Variants in NRXN3 observed in about 807,000 individuals in gnomAD.
The protein encoded by NRXN3 is neurexin III.
In NRXN3, 32 loss-of-function variants were observed where a neutral mutation model predicts 137.6. The ratio of observed to expected loss-of-function variants is 0.23; its 90% CI spans 0.18 to 0.31. NRXN3 has a LOEUF of 0.31. NRXN3 is among the 10% of genes least tolerant of loss of function. The pLI, the probability that NRXN3 is intolerant of heterozygous loss-of-function variation, is 1.00. For synonymous variants in NRXN3, 798 were observed against 784.5 expected (o/e 1.02, Z -0.29); for missense variants, 1,574 against 2,062.5 (o/e 0.76, Z 4.59).
At chr14:78,707,458 T>G (rs761832332) in intron 6 of NRXN3, among the ~76,000 whole-genome samples, 1 of 152,214 alleles carries the variant, frequency 6.6e-6, no homozygotes, top group Non-Finnish European at 1.5e-5. Context: ...GTATCAAATT[T>G]CAGTTCAAAT....
chr14:79,780,886 T>C (rs2099111578), intron 19 of NRXN3, among the ~76,000 whole-genome samples: 1 of 152,116 alleles, frequency 6.6e-6, no homozygotes, highest in African/African-American at 2.4e-5. Flanking sequence ...TGAGGAAATA[T>C]AGAAAACTGA....
chr14:79,113,211 T>C (rs557995298), intron 15 of NRXN3, among the ~76,000 whole-genome samples: 4 of 152,276 alleles, frequency 2.6e-5, no homozygotes, highest in Non-Finnish European at 5.9e-5. Context: ...AAAGCATTCC[T>C]GGTTGAGAAT....
chr14:78,943,627 T>A (rs945163482), intron 10 of NRXN3, among the ~76,000 whole-genome samples: 1,121 of 8,538 alleles, frequency 0.13, 70 homozygotes, highest in African/African-American at 0.29. Context: ...AAAAAATATA[T>A]ATATATATAT....
chr14:78,579,378 A>G lies in NRXN3; in HGVS notation c.758-65742A>G, dbSNP rs531663424. Among the ~76,000 whole-genome samples, 8 of 152,308 alleles carry G rather than the reference A, an allele frequency of 5.3e-5. No individual in the cohort carries two copies. The East Asian group carries it at 1.5e-3, about 29-fold the overall frequency. On this transcript the variant is annotated intron_variant, in intron 4 of 20. Coordinates refer to ENST00000335750, the MANE Select transcript of NRXN3 (RefSeq NM_001330195.2). ...GAATATCTCCCTTAGGGCGAAGCTCAGCCTTCTCCACTTCACTGGTGCTAT... is the reference window on the plus strand; with the variant it reads ...GAATATCTCCCTTAGGGCGAAGCTCGGCCTTCTCCACTTCACTGGTGCTAT...
chr14:79,285,929 C>G (rs979610997), intron 15 of NRXN3, among the ~76,000 whole-genome samples: 2 of 148,900 alleles, frequency 1.3e-5, no homozygotes, highest in Non-Finnish European at 3.0e-5. Flanking sequence ...AGTGAATACC[C>G]ATTGGACTCA....
At chr14:78,409,025 G>A (rs977735613) in intron 4 of NRXN3, among the ~76,000 whole-genome samples, 1 of 152,168 alleles carries the variant, frequency 6.6e-6, no homozygotes, top group South Asian at 2.1e-4. Flanking sequence ...TTAATATCAT[G>A]GGATAAAACA....
chr14:78,248,398 G>T (rs1023907681), intron 2 of NRXN3, among the ~76,000 whole-genome samples: 4 of 148,530 alleles, frequency 2.7e-5, no homozygotes, highest in East Asian at 2.0e-4. Context: ...TGTGGCCTTC[G>T]CATGCCTTCC....
At chr14:78,215,971 G>GAGGGAAC (rs2063233143) in intron 1 of NRXN3, among the ~76,000 whole-genome samples, 5 of 152,320 alleles carry the variant, frequency 3.3e-5, no homozygotes, top group Admixed American at 1.3e-4. Flanking sequence ...TGTGTGTAAT[G>GAGGGAAC]ATAACATGGG....
At chr14:79,831,619 C>T (rs2099323937) in intron 20 of NRXN3, among the ~76,000 whole-genome samples, 1 of 152,088 alleles carries the variant, frequency 6.6e-6, no homozygotes, top group Non-Finnish European at 1.5e-5. Context: ...TTTGGTTCGG[C>T]CCAGCTCCAT....
At chr14:79,527,871 CAAAAAAAA>C (rs33938281) in intron 16 of NRXN3, among the ~76,000 whole-genome samples, 1 of 118,434 alleles carries the variant, frequency 8.4e-6, no homozygotes, top group Non-Finnish European at 1.7e-5. Context: ...ACTCCTTCGC[CAAAAAAAA>C]AAAAAAAAAA....
At chr14:79,596,499 C>T (rs1041401385) in intron 16 of NRXN3, among the ~76,000 whole-genome samples, 2 of 152,226 alleles carry the variant, frequency 1.3e-5, no homozygotes, top group Non-Finnish European at 2.9e-5. Flanking sequence ...GAAAGAAACA[C>T]GAAAAGCGGC....
rs1350483804 is a variant in NRXN3 at position 79,867,813 on chromosome 14, G to A, written c.*5849G>A. 1 of 152,270 alleles carries A rather than the reference G, an allele frequency of 6.6e-6. No individual in the cohort carries two copies. Among genetic ancestry groups the A allele is most frequent in the Non-Finnish European group, 1.5e-5 (1 of 68,090 alleles). 9.4% of individuals were successfully genotyped at this position (152,270 alleles called of 1,614,324 possible). A position where few individuals can be genotyped will look rare whatever the true frequency, so the allele number is the denominator to read the frequency against. ...GAGACACCAAGCCACAGAGCAGGTA[G>A]GATCACGTGAGTAGGGCCCAGGATA... On this transcript the variant is annotated 3_prime_UTR_variant, in exon 21 of 21. Coordinates refer to ENST00000335750, the MANE Select transcript of NRXN3 (RefSeq NM_001330195.2).
Position 79,369,847 on chromosome 14 carries a change from G to C in NRXN3, c.3263-97374G>C, listed in dbSNP as rs143227911. On this transcript the variant is annotated intron_variant, in intron 15 of 20. Transcript: ENST00000335750. ...GAAGACATAGAGCAGGGCTGATAAT[G>C]TACGCCAGGAACTGTCAGTTAAGAA... Among the ~76,000 whole-genome samples the C allele has an allele frequency of 2.2e-4, 34 of 152,294 alleles. No homozygotes were observed. The East Asian group carries it at 4.1e-3, about 18-fold the overall frequency.
intron 16 of NRXN3, among the ~76,000 whole-genome samples, chr14:79,545,925 C>A (rs2097315063): frequency 6.6e-6 from 1 of 151,832 alleles, no homozygotes. Flanking sequence ...GTGGGAGGGA[C>A]CCGGTGGGAG....
chr14:78,623,048 T>A (rs973105967), intron 4 of NRXN3, among the ~76,000 whole-genome samples: 1 of 152,206 alleles, frequency 6.6e-6, no homozygotes, highest in African/African-American at 2.4e-5. Flanking sequence ...TTTCTCTAAT[T>A]TGCGGATGGC....
chr14:79,397,129 T>C (rs2095049661), intron 15 of NRXN3, among the ~76,000 whole-genome samples: 1 of 152,172 alleles, frequency 6.6e-6, no homozygotes, highest in Admixed American at 6.5e-5. Context: ...GGATTTTTCC[T>C]TCTCTTTTAC....
intron 15 of NRXN3, among the ~76,000 whole-genome samples, chr14:79,020,907 C>T (rs2099588578): frequency 6.6e-6 from 1 of 150,618 alleles, no homozygotes; most frequent in Non-Finnish European, 1.5e-5. Context: ...CACTCTACAT[C>T]TTTGCCAATT....
chr14:79,070,922 GT>G (rs2099686841), intron 15 of NRXN3, among the ~76,000 whole-genome samples: 1 of 152,188 alleles, frequency 6.6e-6, no homozygotes, highest in South Asian at 2.1e-4. Context: ...CAAACATGTA[GT>G]TTGGGTCGCA....
chr14:78,519,141 A>T (rs1167991217), intron 4 of NRXN3, among the ~76,000 whole-genome samples: 2 of 152,180 alleles, frequency 1.3e-5, no homozygotes, highest in Non-Finnish European at 2.9e-5. Flanking sequence ...AATCTTTAGT[A>T]TGTAAAAACC....
Sources: gnomAD v4.1 joint callset for allele counts (sites outside exome capture counted in the v4.1 genomes callset) on GRCh38, gnomAD v4.1.1 for gene constraint, MANE v1.5 for transcripts, NCBI Gene and HGNC (gene_info 2026-07-23, HGNC 2026-07-21) for gene names.